The following CEP85L variants were observed in gnomAD, a reference collection of about 807,000 sequenced individuals.
The protein encoded by CEP85L is centrosomal protein 85L, also known as centrosomal protein of 85 kDa-like.
Under a neutral mutation model 100.3 loss-of-function variants are expected in CEP85L, and 60 were observed. The observed-to-expected ratio is 0.60, with a 90% CI of 0.49 to 0.74. CEP85L has a LOEUF of 0.74. Ranked by LOEUF, CEP85L falls within the 30% of genes least tolerant of loss-of-function variation. The probability of loss-of-function intolerance (pLI) is 0.00; values close to 1 mark genes in which losing one functional copy is unlikely to be tolerated. For missense variants in CEP85L, 973 were observed against 936.2 expected, an observed-to-expected ratio of 1.04 and a Z score of -0.51; for synonymous variants, 319 against 322.7, an observed-to-expected ratio of 0.99 and a Z score of 0.12.
intron 4 of CEP85L, among the ~76,000 whole-genome samples, chr6:118,513,724 T>C (rs1776102937): frequency 1.3e-5 from 2 of 152,118 alleles, no homozygotes; most frequent in African/African-American, 4.8e-5. Flanking sequence ...GCTGAAAGAA[T>C]TGATCACCCC....
chr6:118,469,283 C>T lies in CEP85L; in HGVS notation c.2043G>A (p.Glu681=). Residue 681 remains glutamate (E), a synonymous_variant, in exon 12 of 13, where the codon GAG becomes GAA. Coordinates refer to ENST00000368491, the MANE Select transcript of CEP85L (RefSeq NM_001042475.3). ...ALLENQRQTD[E]TCSLLDQGQE... is the part of the protein sequence containing the mutation. Reference sequence around the variant, plus strand: ...GGCCCTGATCCAATAAAGAGCATGTCTCATCTGTTTGTCTTTGGTTCTGCA... The same window carrying T: ...GGCCCTGATCCAATAAAGAGCATGTTTCATCTGTTTGTCTTTGGTTCTGCA... 1 of 1,613,766 alleles carries T rather than the reference C, an allele frequency of 6.2e-7. No individual in the cohort carries two copies. The highest frequency in any genetic ancestry group is 8.5e-7 in the Non-Finnish European group (1 of 1,179,716).
chr6:118,590,916 C>T (rs936583552), intron 2 of CEP85L, among the ~76,000 whole-genome samples: 2 of 152,072 alleles, frequency 1.3e-5, no homozygotes, highest in Non-Finnish European at 2.9e-5. Flanking sequence ...GACAAAGGAC[C>T]CTGGTGTTCC....
chr6:118,552,902 A>T (rs372077344), intron 3 of CEP85L, among the ~76,000 whole-genome samples: 19 of 152,166 alleles, frequency 1.2e-4, no homozygotes, highest in African/African-American at 4.6e-4. Context: ...AGCACCTTTC[A>T]TGTTTTCAAT....
At chr6:118,470,415 A>G (rs962579130) in intron 11 of CEP85L, 122 bp downstream of exon 11, 2 of 485,902 alleles carry the variant, frequency 4.1e-6, no homozygotes, top group Non-Finnish European at 7.3e-6. Flanking sequence ...GAAACAATGG[A>G]ATTAATTAAC....
chr6:118,629,262 C>T (rs1773993047), intron 2 of CEP85L, among the ~76,000 whole-genome samples: 1 of 152,144 alleles, frequency 6.6e-6, no homozygotes, highest in Non-Finnish European at 1.5e-5. Flanking sequence ...CAAAGGATGT[C>T]TTTATTTGCA....
In CEP85L at chr6:118,706,800, A is replaced by G. The variant is rs547625626; in HGVS notation, c.-28+3236T>C. Among the ~76,000 whole-genome samples the G allele has an allele frequency of 3.3e-5, 5 of 152,110 alleles. No individual in the cohort carries two copies. The East Asian group carries it at 9.7e-4, about 29-fold the overall frequency. On this transcript the variant is annotated intron_variant, in intron 1 of 13. Transcript: ENST00000368488. ...GTCTTATAGGGAACTTTTCTCTCCA[A>G]TCACAATCCCCTCCTCTTCCACTTC...
intron 1 of CEP85L, among the ~76,000 whole-genome samples, chr6:118,672,814 AAGG>A (rs1195905356): frequency 3.7e-5 from 5 of 136,434 alleles, no homozygotes; most frequent in African/African-American, 1.3e-4. Context: ...GAGGAAGGAG[AAGG>A]AGGAGGAAGA....
chr6:118,674,070 CA>C (rs1488810312), intron 1 of CEP85L, among the ~76,000 whole-genome samples: 3 of 152,200 alleles, frequency 2.0e-5, no homozygotes, highest in Non-Finnish European at 4.4e-5. Flanking sequence ...TACTAGAGAA[CA>C]GGGGCATAAA....
chr6:118,512,635 A>G (rs1776036190), intron 4 of CEP85L, among the ~76,000 whole-genome samples: 2 of 152,284 alleles, frequency 1.3e-5, no homozygotes, highest in Admixed American at 1.3e-4. Context: ...ATAGTGAATT[A>G]TCTGATCCAA....
intron 1 of CEP85L, among the ~76,000 whole-genome samples, chr6:118,692,221 A>G (rs1011195066): frequency 2.6e-5 from 4 of 152,176 alleles, no homozygotes; most frequent in Admixed American, 6.5e-5. Context: ...GAAGACGAAT[A>G]AGCTATGCAA....
At chr6:118,542,577 C>T (rs940954962) in intron 3 of CEP85L, among the ~76,000 whole-genome samples, 14 of 130,476 alleles carry the variant, frequency 1.1e-4, no homozygotes, top group African/African-American at 3.6e-4. Context: ...GAGAAAACTA[C>T]AGTACAGAAA....
intron 1 of CEP85L, among the ~76,000 whole-genome samples, chr6:118,670,438 T>G (rs1277451738): frequency 6.7e-6 from 1 of 149,572 alleles, no homozygotes; most frequent in Non-Finnish European, 1.5e-5. Context: ...TGTTTCCTTT[T>G]GTTGTTGTTG....
chr6:118,500,530 C>T (rs184257439), intron 5 of CEP85L, among the ~76,000 whole-genome samples: 3 of 50,004 alleles, frequency 6.0e-5, no homozygotes, highest in East Asian at 3.1e-4. Context: ...TCAACAATCA[C>T]CCTCTCTTTC....
At chr6:118,693,975 T>C (rs72962936) in intron 1 of CEP85L, among the ~76,000 whole-genome samples, 1 of 152,074 alleles carries the variant, frequency 6.6e-6, no homozygotes, top group Non-Finnish European at 1.5e-5. Flanking sequence ...CTGGGGTGAA[T>C]GGTGAGGTGT....
At chr6:118,709,325 C>G (rs1583279438) in intron 1 of CEP85L, among the ~76,000 whole-genome samples, 1 of 152,118 alleles carries the variant, frequency 6.6e-6, no homozygotes, top group African/African-American at 2.4e-5. Context: ...AGGAAACACC[C>G]CTGCCAGTCC....
intron 3 of CEP85L, among the ~76,000 whole-genome samples, chr6:118,563,012 A>G (rs2114986351): frequency 6.6e-6 from 1 of 152,300 alleles, no homozygotes; most frequent in East Asian, 1.9e-4. Flanking sequence ...CAAAAAGACC[A>G]GACTGTTTTT....
At chr6:118,683,331 A>G (rs1776729242) in intron 1 of CEP85L, among the ~76,000 whole-genome samples, 2 of 152,104 alleles carry the variant, frequency 1.3e-5, no homozygotes, top group African/African-American at 4.8e-5. Flanking sequence ...CTTTTTTGCC[A>G]AGCTGGTGAG....
rs1470175603 is a variant in CEP85L, at chr6:118,475,347, A to ATATCTTTTTTTTT, written c.1914+4523_1914+4524insAAAAAAAAAGATA. ...AAAAGGTGGGTGAATTGTAGGTGAC[A>ATATCTTTTTTTTT]TTTTTTTTTTTTTTTTTTTTTTTTT... On this transcript the variant is annotated intron_variant, in intron 10 of 12. Transcript: ENST00000368491. Among the ~76,000 whole-genome samples, 4 of 79,038 alleles carry ATATCTTTTTTTTT rather than the reference A, an allele frequency of 5.1e-5. 2 individuals carry two copies. Among genetic ancestry groups the ATATCTTTTTTTTT allele is most frequent in the Non-Finnish European group, 1.1e-4 (4 of 36,210 alleles). The allele number at this position is 79,038 out of a possible 152,430, so 51.9% of individuals were successfully genotyped here.
intron 4 of CEP85L, among the ~76,000 whole-genome samples, chr6:118,516,116 GTA>G (rs1429780792): frequency 2.6e-5 from 4 of 152,254 alleles, no homozygotes; most frequent in South Asian, 2.1e-4. Context: ...ATTCCATGGT[GTA>G]TATGTGCCAC....
Sources: allele counts gnomAD v4.1 joint callset (sites outside exome capture counted in the v4.1 genomes callset), GRCh38; gene constraint gnomAD v4.1.1; transcripts MANE v1.5; gene names NCBI Gene and HGNC (gene_info 2026-07-23, HGNC 2026-07-21).